Variants in CFAP47 observed in about 807,000 individuals in gnomAD.
The protein encoded by CFAP47 is cilia- and flagella-associated protein 47.
Under a neutral mutation model 148.1 loss-of-function variants are expected in CFAP47, and 29 were observed. That is an observed-to-expected ratio of 0.20 (90% CI 0.15 to 0.27). The LOEUF (loss-of-function observed/expected upper bound fraction) is 0.27, where lower values mean the gene tolerates loss of function less well. Ranked by LOEUF, CFAP47 falls within the 10% of genes least tolerant of loss-of-function variation. The probability of loss-of-function intolerance (pLI) is 1.00; values close to 1 mark genes in which losing one functional copy is unlikely to be tolerated. For synonymous variants in CFAP47, 664 were observed against 577.3 expected, an observed-to-expected ratio of 1.15 and a Z score of -2.15; for missense variants, 1,872 against 1,697.5, an observed-to-expected ratio of 1.10 and a Z score of -1.81.
intron 39 of CFAP47, among the ~76,000 whole-genome samples, chrX:36,172,783 G>A (rs893381470): frequency 9.0e-5 from 10 of 111,381 alleles, no homozygotes; most frequent in African/African-American, 1.3e-4. Context: ...GTCTCTGCCC[G>A]GCTTTGGTAT....
At chrX:36,163,728 G>T (rs924695427) in intron 39 of CFAP47, among the ~76,000 whole-genome samples, 1 of 110,634 alleles carries the variant, frequency 9.0e-6, no homozygotes, top group Non-Finnish European at 1.9e-5. Flanking sequence ...TCTTGCCTCA[G>T]CCTCCTGAGT....
intron 10 of CFAP47, 37 bp downstream of exon 10, chrX:35,967,869 G>A: frequency 1.0e-6 from 1 of 972,662 alleles, no homozygotes; most frequent in Non-Finnish European, 1.4e-6. Context: ...ATTTGGAAAA[G>A]CTTAATGGAC....
intron 8 of CFAP47, among the ~76,000 whole-genome samples, chrX:35,959,745 T>C (rs934628208): frequency 9.3e-6 from 1 of 107,066 alleles, no homozygotes; most frequent in Non-Finnish European, 1.9e-5. Flanking sequence ...AGGCGGAGGT[T>C]GCGCACGCTT....
chrX:36,363,547 G>C (rs1556019658), intron 61 of CFAP47, among the ~76,000 whole-genome samples: 1 of 111,456 alleles, frequency 9.0e-6, no homozygotes, highest in Non-Finnish European at 1.9e-5. Context: ...AATTAAACAA[G>C]AAAAATCAAA....
intron 54 of CFAP47, among the ~76,000 whole-genome samples, chrX:36,304,330 T>G (rs1478763804): frequency 1.9e-5 from 2 of 107,837 alleles, no homozygotes; most frequent in East Asian, 2.9e-4. Flanking sequence ...TGCAGTGAGC[T>G]GAGATCGTGC....
chrX:36,285,831 G>A, intron 51 of CFAP47, 105 bp downstream of exon 51: 1 of 573,167 alleles, frequency 1.7e-6, no homozygotes, highest in African/African-American at 2.4e-5. Context: ...TGTATCAGAT[G>A]ATTGTATTAA....
chrX:36,134,077 A>G (rs973885194), intron 33 of CFAP47, among the ~76,000 whole-genome samples: 3 of 111,249 alleles, frequency 2.7e-5, no homozygotes, highest in Non-Finnish European at 3.8e-5. Flanking sequence ...ATACTTAAGT[A>G]TCTAATATTA....
chrX:36,094,040 A>AT, intron 30 of CFAP47, among the ~76,000 whole-genome samples: 1 of 111,158 alleles, frequency 9.0e-6, no homozygotes, highest in East Asian at 2.8e-4. Context: ...TTTTGATTTT[A>AT]TTTTTGTATA....
At chrX:36,327,640 C>T (rs1277771694) in intron 57 of CFAP47, among the ~76,000 whole-genome samples, 2 of 111,549 alleles carry the variant, frequency 1.8e-5, no homozygotes, top group Non-Finnish European at 3.8e-5. Context: ...GAAAATAAAT[C>T]ATTCTACCAA....
At chrX:36,187,014 T>C (rs1939814685) in intron 40 of CFAP47, among the ~76,000 whole-genome samples, 2 of 111,778 alleles carry the variant, frequency 1.8e-5, no homozygotes, top group South Asian at 7.4e-4. Flanking sequence ...ATAAAGTTAT[T>C]TTCCATTCTG....
intron 39 of CFAP47, among the ~76,000 whole-genome samples, chrX:36,166,649 T>G (rs750712250): frequency 4.0e-4 from 45 of 111,682 alleles, no homozygotes; most frequent in African/African-American, 1.1e-3. Flanking sequence ...TTTCTTCTTT[T>G]TGTGTGTGTG....
At chrX:36,114,104 C>T (rs1365393212) in intron 33 of CFAP47, among the ~76,000 whole-genome samples, 2 of 111,611 alleles carry the variant, frequency 1.8e-5, no homozygotes, top group African/African-American at 6.5e-5. Context: ...AGCCAGTCTT[C>T]AAGCTCTGAG....
chrX:36,237,899 C>CT (rs782614823), intron 48 of CFAP47, among the ~76,000 whole-genome samples: 9 of 109,442 alleles, frequency 8.2e-5, no homozygotes, highest in African/African-American at 2.0e-4. Context: ...TTTTCCTCTT[C>CT]TTTTTTTTTG....
intron 15 of CFAP47, among the ~76,000 whole-genome samples, chrX:35,977,860 G>A (rs1179485749): frequency 9.1e-6 from 1 of 110,269 alleles, no homozygotes; most frequent in Admixed American, 9.7e-5. Flanking sequence ...AATTTAACAA[G>A]TGGAAGAGTA....
intron 56 of CFAP47, among the ~76,000 whole-genome samples, chrX:36,313,147 A>C (rs1941406907): frequency 9.0e-6 from 1 of 111,323 alleles, no homozygotes; most frequent in Admixed American, 9.7e-5. Context: ...ATATATGCAA[A>C]ATATACTCAT....
chrX:35,920,521 T>C (rs1569199502), intron 1 of CFAP47, among the ~76,000 whole-genome samples: 1 of 111,911 alleles, frequency 8.9e-6, no homozygotes, highest in Admixed American at 9.5e-5. Flanking sequence ...GTAATAGACA[T>C]GAGGAATACG....
intron 8 of CFAP47, among the ~76,000 whole-genome samples, chrX:35,959,404 TTTC>T (rs1044955776): frequency 1.8e-5 from 2 of 112,328 alleles, no homozygotes; most frequent in Admixed American, 1.9e-4. Flanking sequence ...TATCTATTTT[TTTC>T]TTTTGTCTCT....
chrX:35,970,810 T>C lies in CFAP47; in HGVS notation c.1857T>C (p.His619=). The C allele has an allele frequency of 8.4e-7, 1 of 1,184,089 alleles. No homozygotes were observed. Among genetic ancestry groups the C allele is most frequent in the African/African-American group, 1.8e-5 (1 of 56,765 alleles). Residue 619 remains histidine, a synonymous_variant, in exon 11 of 64, where the codon CAT becomes CAC. Coordinates refer to ENST00000378653, the MANE Select transcript of CFAP47 (RefSeq NM_001304548.2). ...TKVPRFNYVN[H]DFAYTTFEKQ... ...TTCCAAGATTTAACTATGTGAATCATGATTTTGCATATACTACATTTGAAA... is the reference window on the plus strand; with the variant it reads ...TTCCAAGATTTAACTATGTGAATCACGATTTTGCATATACTACATTTGAAA...
chrX:36,342,580 T>C (rs782274275), intron 57 of CFAP47, among the ~76,000 whole-genome samples: 9 of 111,442 alleles, frequency 8.1e-5, no homozygotes, highest in Non-Finnish European at 1.5e-4. Flanking sequence ...ATGGAAATGC[T>C]ATGAAGCTAG....
Sources: gnomAD v4.1 joint callset for allele counts (sites outside exome capture counted in the v4.1 genomes callset) on GRCh38, gnomAD v4.1.1 for gene constraint, MANE v1.5 for transcripts, NCBI Gene and HGNC (gene_info 2026-07-23, HGNC 2026-07-21) for gene names.